Variants in FAM185A observed in about 807,000 individuals in gnomAD.
FAM185A encodes the protein family with sequence similarity 185 member A.
FAM185A carries 21 observed loss-of-function variants against 45.7 expected under a neutral mutation model. The observed-to-expected ratio is 0.46, with a 90% CI of 0.33 to 0.66. FAM185A has a LOEUF of 0.66. FAM185A is among the 30% of genes least tolerant of loss of function. The pLI, the probability that FAM185A is intolerant of heterozygous loss-of-function variation, is 0.03. For synonymous variants in FAM185A, 117 were observed against 194.0 expected (o/e 0.60, Z 3.30); for missense variants, 305 against 485.4 (o/e 0.63, Z 3.49).
chr7:102,828,834 G>A, the FAM185A span, among the ~76,000 whole-genome samples: 4,440 of 152,250 alleles, frequency 0.029, 186 homozygotes, highest in East Asian at 0.16. Context: ...TGGGGCCTTA[G>A]GGGAGAGCAG....
the FAM185A span, chr7:102,821,960 A>T: frequency 7.0e-7 from 1 of 1,420,466 alleles, no homozygotes; most frequent in Non-Finnish European, 9.8e-7. Context: ...GCTGCTATGT[A>T]TTATGAACCT....
intron 4 of FAM185A, among the ~76,000 whole-genome samples, chr7:102,771,737 A>G (rs1794754775): frequency 6.6e-6 from 1 of 152,222 alleles, no homozygotes; most frequent in Admixed American, 6.5e-5. Context: ...GAATACTTAC[A>G]CATACAAACA....
At chr7:102,831,654 A>C in the FAM185A span, among the ~76,000 whole-genome samples, 1 of 152,148 alleles carries the variant, frequency 6.6e-6, no homozygotes, top group South Asian at 2.1e-4. Flanking sequence ...CCAAAGGTAC[A>C]CGGTGCTCCC....
chr7:102,831,815 C>G, the FAM185A span, among the ~76,000 whole-genome samples: 2 of 151,972 alleles, frequency 1.3e-5, no homozygotes, highest in Non-Finnish European at 2.9e-5. Flanking sequence ...TCCTGTTTTC[C>G]TTATCCATAT....
chr7:102,758,108 AT>A, intron 3 of FAM185A, among the ~76,000 whole-genome samples, 162 bp downstream of exon 3: 1 of 151,966 alleles, frequency 6.6e-6, no homozygotes, highest in Non-Finnish European at 1.5e-5. Context: ...ATGAAATAAT[AT>A]ACAACTTAAG....
intron 2 of FAM185A, chr7:102,755,592 G>A (rs944466856): frequency 2.1e-4 from 131 of 630,550 alleles, no homozygotes; most frequent in Non-Finnish European, 3.7e-4. Context: ...TAACAAGAAA[G>A]CTCCGCTGGT....
chr7:102,799,965 G>A (rs1485174289), intron 7 of FAM185A, among the ~76,000 whole-genome samples: 2 of 152,078 alleles, frequency 1.3e-5, no homozygotes, highest in South Asian at 2.1e-4. Flanking sequence ...AACCTAAGAG[G>A]ACCCACAGAC....
rs1797001041 is a variant in FAM185A, at chr7:102,804,658, G to A, written c.1067-3632G>A. Among the ~76,000 whole-genome samples the A allele has an allele frequency of 2.6e-5, 4 of 152,288 alleles. No individual in the cohort carries two copies. In the South Asian group the frequency reaches 8.3e-4, roughly 32 times the overall value. On this transcript the variant is annotated intron_variant, in intron 7 of 7. Transcript: ENST00000413034. ...CATGACCAAGAACCCAAAAGCAAAT[G>A]CAATAAAAACAAAGATAAATAGCTG...
intron 7 of FAM185A, among the ~76,000 whole-genome samples, chr7:102,800,902 G>T (rs938342507): frequency 1.3e-5 from 2 of 152,232 alleles, no homozygotes; most frequent in African/African-American, 4.8e-5. Flanking sequence ...GAAATGCATC[G>T]CAAAAAGATC....
the FAM185A span, among the ~76,000 whole-genome samples, chr7:102,824,679 T>A: frequency 6.6e-6 from 1 of 151,992 alleles, no homozygotes. Flanking sequence ...AGAGACAGGG[T>A]TTTACCATGT....
rs1477771532 is a variant in FAM185A at position 102,752,566 on chromosome 7, G to A, written c.561+765G>A. Among the ~76,000 whole-genome samples the A allele has an allele frequency of 6.6e-5, 10 of 151,382 alleles. No homozygotes were observed. The South Asian group carries it at 1.9e-3, about 28-fold the overall frequency. ...ATTACAGGCATGAGCCACTGCGTCC[G>A]GCTGTAATTAATTTTTTTTTTTTTT... On this transcript the variant is annotated intron_variant, in intron 2 of 7. Coordinates refer to ENST00000413034, the MANE Select transcript of FAM185A (RefSeq NM_001145268.2).
the FAM185A span, among the ~76,000 whole-genome samples, chr7:102,816,594 T>C: frequency 3.9e-5 from 6 of 152,218 alleles, no homozygotes; most frequent in African/African-American, 1.4e-4. Context: ...CCTATGTAGC[T>C]GTGTGTTTGC....
chr7:102,776,116 A>ACATATACACACACAC (rs1198677194), intron 5 of FAM185A, among the ~76,000 whole-genome samples: 42 of 126,512 alleles, frequency 3.3e-4, no homozygotes, highest in East Asian at 1.3e-3. Context: ...ACACACACAC[A>ACATATACACACACAC]AATGTTTTCT....
intron 7 of FAM185A, among the ~76,000 whole-genome samples, chr7:102,804,884 A>G (rs1232330978): frequency 6.6e-6 from 1 of 152,208 alleles, no homozygotes; most frequent in Non-Finnish European, 1.5e-5. Flanking sequence ...TGAAAAGACA[A>G]TTCTCATAAG....
the FAM185A span, among the ~76,000 whole-genome samples, chr7:102,817,204 C>G: frequency 6.6e-6 from 1 of 152,156 alleles, no homozygotes; most frequent in Non-Finnish European, 1.5e-5. Context: ...TTTTGGCTGA[C>G]CTAATTTACA....
intron 6 of FAM185A, among the ~76,000 whole-genome samples, chr7:102,782,868 G>T (rs1584326026): frequency 6.6e-6 from 1 of 151,866 alleles, no homozygotes; most frequent in Non-Finnish European, 1.5e-5. Flanking sequence ...ATTGGATAAA[G>T]ACTCAAGACC....
At chr7:102,826,734 T>TC in the FAM185A span, among the ~76,000 whole-genome samples, 5 of 42,968 alleles carry the variant, frequency 1.2e-4, 1 homozygote, top group Admixed American at 7.0e-4. Context: ...CATATATATA[T>TC]ATATATATAT....
At chr7:102,791,893 A>G (rs1796162946) in intron 7 of FAM185A, among the ~76,000 whole-genome samples, 1 of 152,136 alleles carries the variant, frequency 6.6e-6, no homozygotes, top group Non-Finnish European at 1.5e-5. Context: ...AGAGGCCTAG[A>G]AAATCAGGGC....
chr7:102,789,070 C>A (rs2129441953), intron 7 of FAM185A, among the ~76,000 whole-genome samples: 1 of 152,272 alleles, frequency 6.6e-6, no homozygotes, highest in African/African-American at 2.4e-5. Flanking sequence ...TTAGGCTACA[C>A]TAAATTTATT....
Sources: allele counts gnomAD v4.1 joint callset (sites outside exome capture counted in the v4.1 genomes callset), GRCh38; gene constraint gnomAD v4.1.1; transcripts MANE v1.5; gene names NCBI Gene and HGNC (gene_info 2026-07-23, HGNC 2026-07-21).